The following SYNE1 variants were observed in gnomAD, a reference collection of about 807,000 sequenced individuals.
SYNE1 encodes spectrin repeat containing nuclear envelope protein 1, also known as nesprin-1.
SYNE1 carries 616 observed loss-of-function variants against 1,111.0 expected under a neutral mutation model. The observed-to-expected ratio is 0.55, with a 90% confidence interval of 0.52 to 0.59. The LOEUF (loss-of-function observed/expected upper bound fraction) is 0.59. Ranked by LOEUF, SYNE1 falls within the 20% of genes least tolerant of loss-of-function variation. The pLI is 0.00. For missense variants in SYNE1, 10,006 were observed against 10,417.0 expected, an observed-to-expected ratio of 0.96 and a Z score of 1.72; for synonymous variants, 3,855 against 3,825.8, an observed-to-expected ratio of 1.01 and a Z score of -0.28.
intron 93 of SYNE1, among the ~76,000 whole-genome samples, chr6:152,298,022 A>T (rs991730598): frequency 6.6e-6 from 1 of 152,234 alleles, no homozygotes; most frequent in Non-Finnish European, 1.5e-5. Flanking sequence ...TCACTGTTAC[A>T]AATACGTTTC....
At position 152,201,958 on chromosome 6, in the gene SYNE1, G is replaced by C. The variant is rs762620809; in HGVS notation, c.23020-9C>G. 1 of 1,613,746 alleles carries C rather than the reference G, an allele frequency of 6.2e-7. No homozygotes were observed. Among genetic ancestry groups the C allele is most frequent in the Admixed American group, 1.7e-5 (1 of 60,004 alleles). On this transcript the variant is annotated splice_polypyrimidine_tract_variant and intron_variant, in intron 126 of 145. Transcript: ENST00000367255. ...TCACATTTTTCCCAGTCCTATCATG[G>C]GAATAAAAACAAATAGCATAGATGT...
Position 152,211,583 on chromosome 6 carries a change from A to C in SYNE1, c.22500T>G (p.Phe7500Leu). The C allele has an allele frequency of 6.2e-7, 1 of 1,613,090 alleles. No individual in the cohort carries two copies. Among genetic ancestry groups the C allele is most frequent in the Non-Finnish European group, 8.5e-7 (1 of 1,179,374 alleles). Residue 7500 changes from phenylalanine (F) to leucine (L), a missense_variant, in exon 124 of 146, where the codon TTT (phenylalanine) becomes TTG (leucine). By Grantham distance (22) the Phe-to-Leu change is conservative (BLOSUM62 0). Around this residue, in one of 7 missense-constraint regions of SYNE1, gnomAD observed 2,182 missense variants for 2,287.8 expected, o/e 0.95. Coordinates refer to ENST00000367255, the MANE Select transcript of SYNE1 (RefSeq NM_182961.4). The part of the protein sequence containing the change: ...LLEQQRAHEL[F>L]QAEMFSRQQI... ...GCTGACGACTGAACATCTCGGCTTG[A>C]AACAACTATAATTTAAAAAAAAGAA... is the stretch of plus-strand genomic sequence containing the variant.
intron 131 of SYNE1, among the ~76,000 whole-genome samples, chr6:152,157,919 T>G (rs981749175): frequency 6.6e-6 from 1 of 151,916 alleles, no homozygotes; most frequent in South Asian, 2.1e-4. Flanking sequence ...CCACCATGCC[T>G]GGCTAATTTT....
At chr6:152,605,008 G>GAA (rs1451861419) in intron 3 of SYNE1, among the ~76,000 whole-genome samples, 530 of 28,616 alleles carry the variant, frequency 0.019, 3 homozygotes, top group Admixed American at 0.03. Flanking sequence ...AAGAAAGAAA[G>GAA]AGAGAGAGAG....
intron 14 of SYNE1, among the ~76,000 whole-genome samples, chr6:152,473,907 C>T (rs910113969): frequency 1.3e-5 from 2 of 152,084 alleles, no homozygotes; most frequent in African/African-American, 2.4e-5. Flanking sequence ...ATTCTTAGGC[C>T]GGGTGTGGTG....
In SYNE1 at chr6:152,149,584, G is replaced by T. The variant is rs2060075935; in HGVS notation, c.24535C>A (p.Pro8179Thr). The change falls in exon 136 of 146, where the codon CCC becomes ACC. Residue 8179 changes from proline to threonine, a missense_variant. Pro to Thr is a conservative substitution (Grantham distance 38). Transcript: ENST00000367255. ...QGEQLIEKSE[P>T]LDAAIIEEEL... ...TCCTCGATGATCGCTGCATCCAAGG[G>T]CTCACTCTTTTCTATCAGCTGTTCT... 3 of 1,613,934 alleles carry T rather than the reference G, an allele frequency of 1.9e-6. No homozygotes were observed. The highest frequency in any genetic ancestry group is 2.7e-5 in the African/African-American group (2 of 74,874).
intron 21 of SYNE1, 87 bp from the exon 22 acceptor site, chr6:152,459,017 C>A: frequency 8.7e-7 from 1 of 1,143,250 alleles, no homozygotes; most frequent in South Asian, 1.3e-5. Context: ...GGAACATTTT[C>A]TTTAGTGACA....
Position 152,498,808 on chromosome 6 carries a change from G to A in SYNE1, c.889-16C>T. 1.4e-6 allele frequency: 2 copies of A among 1,404,320 alleles called. No homozygotes were observed. The highest frequency in any genetic ancestry group is 2.4e-5 in the East Asian group (1 of 40,926). The allele number at this position is 1,404,320 out of a possible 1,614,324, so 87.0% of individuals were successfully genotyped here. On this transcript the variant is annotated splice_polypyrimidine_tract_variant and intron_variant, in intron 10 of 145. Transcript: ENST00000367255. Reference sequence around the variant, plus strand: ...GAAGTATTTCCTAACAATATGAAAAGATAATATATAGAAATATAATATAAA... The same window carrying A: ...GAAGTATTTCCTAACAATATGAAAAAATAATATATAGAAATATAATATAAA...
chr6:152,178,387 T>C (rs2067019385), intron 129 of SYNE1, among the ~76,000 whole-genome samples: 1 of 152,224 alleles, frequency 6.6e-6, no homozygotes, highest in African/African-American at 2.4e-5. Flanking sequence ...CGTGAGCAGA[T>C]GCTAAAATGA....
In SYNE1 at chr6:152,344,107, G is replaced by C. The variant is rs751771289; in HGVS notation, c.12199C>G (p.Leu4067Val). ...PDLEPSPQPP[L>V]SRAEAIKQVK... The stretch of plus-strand genomic sequence containing the variant: ...TGCTTAATGGCTTCTGCCCTACTAA[G>C]AGGTGGTTGAGGACTTGGCTCTAAA... Residue 4067 changes from leucine to valine, a missense_variant, in exon 74 of 146, where the codon CTT (leucine) becomes GTT (valine). Physicochemically the swap from Leu to Val is conservative, Grantham distance 32 (BLOSUM62 1). This residue lies in a region of SYNE1 where 4,955 missense variants were observed against 5,017.2 expected (regional missense o/e 0.99). Transcript: ENST00000367255. The C allele has an allele frequency of 6.2e-7, 1 of 1,614,218 alleles. No homozygotes were observed. The highest frequency in any genetic ancestry group is 1.1e-5 in the South Asian group (1 of 91,088).
chr6:152,216,880 A>G (rs971905654), intron 121 of SYNE1, among the ~76,000 whole-genome samples: 1 of 150,086 alleles, frequency 6.7e-6, no homozygotes, highest in Non-Finnish European at 1.5e-5. Flanking sequence ...ATAGTGAACC[A>G]CCCCCCTCTC....
intron 2 of SYNE1, among the ~76,000 whole-genome samples, chr6:152,629,531 G>GGGGGGGT (rs2099693753): frequency 8.4e-6 from 1 of 119,756 alleles, no homozygotes; most frequent in Admixed American, 8.1e-5. Context: ...CCGGGGGGGG[G>GGGGGGGT]GGGGGGAGGG....
At chr6:152,131,088 G>T (rs2152691480) in intron 144 of SYNE1, among the ~76,000 whole-genome samples, 1 of 152,188 alleles carries the variant, frequency 6.6e-6, no homozygotes, top group Non-Finnish European at 1.5e-5. Flanking sequence ...AATGTAAAAT[G>T]CACTATGCCA....
Position 152,310,463 on chromosome 6 carries a change from G to A in SYNE1, c.16952C>T (p.Ala5651Val). ...TTCTGGAGAAGTCAGTGTTGCCTGG[G>A]CTTGCTCCAAGGCAGCTTGTAACTT... ...LKKLQAALEQAQATLTSPEVG... is the reference protein window; with the variant it reads ...LKKLQAALEQVQATLTSPEVG... The change falls in exon 89 of 146, where the codon GCC (alanine) becomes GTC (valine). Residue 5651 changes from alanine to valine, a missense_variant. Physicochemically the swap from Ala to Val is moderately conservative, Grantham distance 64 (BLOSUM62 0). Coordinates refer to ENST00000367255, the MANE Select transcript of SYNE1 (RefSeq NM_182961.4). The A allele has an allele frequency of 6.2e-7, 1 of 1,614,106 alleles. No homozygotes were observed. The highest frequency in any genetic ancestry group is 8.5e-7 in the Non-Finnish European group (1 of 1,180,034).
At chr6:152,445,046 G>T (rs1282038055) in intron 29 of SYNE1, among the ~76,000 whole-genome samples, 1 of 151,638 alleles carries the variant, frequency 6.6e-6, no homozygotes, top group Non-Finnish European at 1.5e-5. Context: ...TCATTTATGG[G>T]GCTTGCAGGT....
At chr6:152,367,688 T>G in intron 61 of SYNE1, 1 of 380,320 alleles carries the variant, frequency 2.6e-6, no homozygotes, top group South Asian at 2.4e-5. Flanking sequence ...CTGGTCAAAG[T>G]AGTTTCTAGT....
At chr6:152,229,858 A>G (rs1304997230) in intron 115 of SYNE1, among the ~76,000 whole-genome samples, 1 of 152,212 alleles carries the variant, frequency 6.6e-6, no homozygotes, top group Non-Finnish European at 1.5e-5. Context: ...AGGAAATAGG[A>G]TTATGCGTTG....
chr6:152,212,717 C>T (rs564278537), intron 123 of SYNE1, among the ~76,000 whole-genome samples: 7 of 152,218 alleles, frequency 4.6e-5, no homozygotes, highest in African/African-American at 1.7e-4. Context: ...AACTGTTTTC[C>T]AAAGCAGCTT....
chr6:152,171,151 C>T (rs2065110058), intron 130 of SYNE1, among the ~76,000 whole-genome samples: 1 of 152,180 alleles, frequency 6.6e-6, no homozygotes, highest in Admixed American at 6.5e-5. Flanking sequence ...TGAAAATGGA[C>T]TAATACAGTG....
Sources: gnomAD v4.1 joint callset for allele counts (sites outside exome capture counted in the v4.1 genomes callset) on GRCh38, gnomAD v4.1.1 for gene constraint, gnomAD v4.1.1 regional missense constraint, MANE v1.5 for transcripts, NCBI Gene and HGNC (gene_info 2026-07-23, HGNC 2026-07-21) for gene names.